The following FOXN3 variants were observed in gnomAD, a reference collection of about 807,000 sequenced individuals.
FOXN3 encodes forkhead box protein N3.
In FOXN3, 7 loss-of-function variants were observed where a neutral mutation model predicts 38.4. The observed-to-expected ratio is 0.18, with a 90% CI of 0.10 to 0.34. FOXN3 has a LOEUF of 0.34. Among genes scored for constraint, FOXN3 ranks in the 10% least tolerant of loss-of-function variants. The probability of loss-of-function intolerance (pLI) is 1.00; values close to 1 mark genes in which losing one functional copy is unlikely to be tolerated. For missense variants in FOXN3, 456 were observed against 613.4 expected (o/e 0.74, Z 2.71); for synonymous variants, 230 against 242.2 (o/e 0.95, Z 0.47).
At chr14:89,290,544 T>C in intron 3 of FOXN3, 2 of 551,190 alleles carry the variant, frequency 3.6e-6, no homozygotes, top group South Asian at 1.5e-5. Flanking sequence ...TTTTTCACAA[T>C]TGAAAATGTA....
chr14:89,458,559 A>T (rs1892775054), intron 1 of FOXN3, among the ~76,000 whole-genome samples: 1 of 152,226 alleles, frequency 6.6e-6, no homozygotes. Context: ...TCTGTATCTC[A>T]GCAGGGAGAT....
At chr14:89,240,169 C>T (rs1252829703) in intron 4 of FOXN3, among the ~76,000 whole-genome samples, 1 of 152,082 alleles carries the variant, frequency 6.6e-6, no homozygotes, top group South Asian at 2.1e-4. Context: ...GATGGACACA[C>T]GATGGGTCTC....
Position 89,512,290 on chromosome 14 carries a change from C to T in FOXN3, c.-14-99800G>A, listed in dbSNP as rs577004536. 3.9e-5 allele frequency among the ~76,000 whole-genome samples: 6 copies of T among 152,240 alleles called. No individual in the cohort carries two copies. In the South Asian group the frequency reaches 1.0e-3, roughly 26 times the overall value. ...CTGATAAAAGATTAACAGTAGAAAA[C>T]GCATACGAATAATTATTTGATGTTA... On this transcript the variant is annotated intron_variant, in intron 1 of 6. Transcript: ENST00000345097.
chr14:89,553,463 A>G (rs1895051913), intron 1 of FOXN3, among the ~76,000 whole-genome samples: 1 of 151,660 alleles, frequency 6.6e-6, no homozygotes, highest in Non-Finnish European at 1.5e-5. Flanking sequence ...AAAAAAAAAA[A>G]GGGTAAAATA....
intron 3 of FOXN3, among the ~76,000 whole-genome samples, chr14:89,317,161 A>C (rs1887743408): frequency 6.6e-6 from 1 of 152,196 alleles, no homozygotes; most frequent in Non-Finnish European, 1.5e-5. Flanking sequence ...AAAACAGTAA[A>C]AGCAATTGAC....
intron 3 of FOXN3, among the ~76,000 whole-genome samples, chr14:89,300,491 A>G (rs1370977313): frequency 2.6e-5 from 4 of 152,008 alleles, no homozygotes; most frequent in Non-Finnish European, 4.4e-5. Context: ...CAAGAAATGT[A>G]TATGTTTTAA....
intron 4 of FOXN3, among the ~76,000 whole-genome samples, chr14:89,210,792 G>A (rs777299034): frequency 6.6e-6 from 1 of 152,206 alleles, no homozygotes; most frequent in Non-Finnish European, 1.5e-5. Context: ...CCTTCCTTGG[G>A]TGGTTCATCA....
intron 4 of FOXN3, among the ~76,000 whole-genome samples, chr14:89,280,059 A>G (rs1285951394): frequency 6.6e-6 from 1 of 152,208 alleles, no homozygotes; most frequent in African/African-American, 2.4e-5. Flanking sequence ...AAAAGCTCTT[A>G]GCACAGCCAA....
Position 89,168,212 on chromosome 14 carries a change from C to T in FOXN3, c.852-5243G>A, listed in dbSNP as rs568924174. On this transcript the variant is annotated intron_variant, in intron 5 of 5. Transcript: ENST00000557258. The stretch of plus-strand genomic sequence containing the variant: ...AAAGACTATAAATGTTGAAATAATT[C>T]GTTACAGAATGTAAAGTTAGTATGT... 2.6e-5 allele frequency among the ~76,000 whole-genome samples: 4 copies of T among 152,120 alleles called. No homozygotes were observed. In the South Asian group the frequency reaches 6.2e-4, roughly 24 times the overall value.
In FOXN3 at chr14:89,517,015, C is replaced by T. The variant is rs375514742; in HGVS notation, c.-15+102013G>A. 1.6e-4 allele frequency among the ~76,000 whole-genome samples: 24 copies of T among 152,300 alleles called. No individual in the cohort carries two copies. The East Asian group carries it at 2.3e-3, about 15-fold the overall frequency. Reference sequence around the variant, plus strand: ...ACTCTCCCCAGAACTGACTCAAATACGTGATCTCCTGTTTGTGCTGTGTCT... The same window carrying T: ...ACTCTCCCCAGAACTGACTCAAATATGTGATCTCCTGTTTGTGCTGTGTCT... On this transcript the variant is annotated intron_variant, in intron 1 of 6. Transcript: ENST00000345097.
chr14:89,418,951 A>G (rs549880194), upstream of FOXN3, among the ~76,000 whole-genome samples: 1 of 26,578 alleles, frequency 3.8e-5, no homozygotes, highest in African/African-American at 1.5e-4. Flanking sequence ...CAAGTCCCCC[A>G]GCTACACTCA....
chr14:89,570,898 A>G (rs756028587), intron 1 of FOXN3, among the ~76,000 whole-genome samples: 3 of 152,170 alleles, frequency 2.0e-5, no homozygotes, highest in Non-Finnish European at 4.4e-5. Flanking sequence ...GGATTTTACA[A>G]CAAATCCATA....
chr14:89,281,085 C>G, intron 3 of FOXN3, 71 bp from the exon 4 acceptor site: 1 of 1,349,562 alleles, frequency 7.4e-7, no homozygotes, highest in Non-Finnish European at 1.0e-6. Context: ...CCTTCCCACA[C>G]TTCCCTCAAA....
intron 1 of FOXN3, among the ~76,000 whole-genome samples, chr14:89,508,739 G>T (rs1893999589): frequency 6.6e-6 from 1 of 152,150 alleles, no homozygotes; most frequent in Non-Finnish European, 1.5e-5. Flanking sequence ...GGCCCTGTGA[G>T]ATGCAGGTTT....
chr14:89,465,425 TC>T (rs1452448781), intron 1 of FOXN3, among the ~76,000 whole-genome samples: 1 of 152,182 alleles, frequency 6.6e-6, no homozygotes, highest in African/African-American at 2.4e-5. Flanking sequence ...AGACGGGTTT[TC>T]AACACATTGG....
At chr14:89,222,489 C>T (rs886873967) in intron 4 of FOXN3, among the ~76,000 whole-genome samples, 2 of 152,150 alleles carry the variant, frequency 1.3e-5, no homozygotes, top group African/African-American at 2.4e-5. Flanking sequence ...CAGAGAAATC[C>T]GTAATGTTTA....
chr14:89,511,187 T>TTC lies in FOXN3; in HGVS notation c.-14-98699_-14-98698dup, dbSNP rs1894063715. On this transcript the variant is annotated intron_variant, in intron 1 of 6. Transcript: ENST00000345097. ...TTTCTTTCTTTCTTTCTTTCTTTCTTTCTTTTCTTTCTTTCTTTTCTTTCT... is the reference window on the plus strand; with the variant it reads ...TTTCTTTCTTTCTTTCTTTCTTTCTTTCTCTTTTCTTTCTTTCTTTTCTTTCT... 1.5e-4 allele frequency among the ~76,000 whole-genome samples: 3 copies of TTC among 20,336 alleles called. 1 individual carries two copies. Among genetic ancestry groups the TTC allele is most frequent in the African/African-American group, 2.7e-4 (3 of 10,934 alleles). The allele number at this position is 20,336 out of a possible 152,430, so 13.3% of individuals were successfully genotyped here. A position where few individuals can be genotyped will look rare whatever the true frequency, so the allele number is the denominator to read the frequency against.
chr14:89,476,588 A>C (rs1280764306), intron 1 of FOXN3, among the ~76,000 whole-genome samples: 1 of 152,242 alleles, frequency 6.6e-6, no homozygotes, highest in Non-Finnish European at 1.5e-5. Context: ...GAGAGAAATC[A>C]ACATGGACAC....
chr14:89,511,204 T>TTCC (rs1894067574), intron 1 of FOXN3, among the ~76,000 whole-genome samples: 1 of 13,532 alleles, frequency 7.4e-5, no homozygotes, highest in Non-Finnish European at 4.2e-4. Flanking sequence ...CTTTCTTTCT[T>TTCC]TTCTTTCTTT....
Sources: allele counts gnomAD v4.1 joint callset (sites outside exome capture counted in the v4.1 genomes callset), GRCh38; gene constraint gnomAD v4.1.1; transcripts MANE v1.5; gene names NCBI Gene and HGNC (gene_info 2026-07-23, HGNC 2026-07-21).